GRIP2: variants seen among roughly 807,000 people sequenced by gnomAD.
GRIP2 encodes the protein glutamate receptor interacting protein 2.
A neutral mutation model predicts 108.3 loss-of-function variants in GRIP2; 58 were observed. That is an observed-to-expected ratio of 0.54 (90% CI 0.43 to 0.67). GRIP2 has a LOEUF of 0.67. GRIP2 is among the 30% of genes least tolerant of loss of function. The probability of loss-of-function intolerance (pLI) is 0.00; values close to 1 mark genes in which losing one functional copy is unlikely to be tolerated. For synonymous variants in GRIP2, 586 were observed against 598.2 expected (o/e 0.98, Z 0.30); for missense variants, 1,278 against 1,430.6 (o/e 0.89, Z 1.72).
At chr3:14,568,291 A>G in the GRIP2 span, among the ~76,000 whole-genome samples, 1 of 152,206 alleles carries the variant, frequency 6.6e-6, no homozygotes. Context: ...CACTGCAACC[A>G]TGCAACTAAT....
At chr3:14,528,765 C>A (rs1694629417) in intron 1 of GRIP2, among the ~76,000 whole-genome samples, 1 of 152,100 alleles carries the variant, frequency 6.6e-6, no homozygotes, top group African/African-American at 2.4e-5. Context: ...TTGCATTTGT[C>A]TAATGACTAA....
chr3:14,574,014 AG>A, the GRIP2 span: 2 of 1,347,984 alleles, frequency 1.5e-6, no homozygotes, highest in Non-Finnish European at 2.1e-6. Flanking sequence ...CAGGTGGATG[AG>A]GGCCTCCGAG....
the GRIP2 span, chr3:14,574,570 CA>C: frequency 5.5e-6 from 4 of 732,518 alleles, no homozygotes; most frequent in Non-Finnish European, 2.5e-6. Flanking sequence ...GATGGGGACT[CA>C]AAAACTTCGT....
Position 14,489,874 on chromosome 3 carries a change from G to A in GRIP2, c.*3791C>T, listed in dbSNP as rs6794801. ...ATTGCCCTTCTCCCACTCCCCCACCGTCAGGTGCAGGCGCTCATTAATACC... is the reference window on the plus strand; with the variant it reads ...ATTGCCCTTCTCCCACTCCCCCACCATCAGGTGCAGGCGCTCATTAATACC... On this transcript the variant is annotated 3_prime_UTR_variant, in exon 24 of 24. Coordinates refer to ENST00000621039, the MANE Select transcript of GRIP2 (RefSeq NM_001080423.4). 50,844 of 151,858 alleles carry A rather than the reference G, an allele frequency of 0.33. 8,839 individuals carry two copies. Among genetic ancestry groups the A allele is most frequent in the East Asian group, 0.45 (2,311 of 5,126 alleles). The allele number at this position is 151,858 out of a possible 1,614,324, so 9.4% of individuals were successfully genotyped here.
intron 11 of GRIP2, among the ~76,000 whole-genome samples, chr3:14,514,799 T>A (rs1694204632): frequency 6.6e-6 from 1 of 152,258 alleles, no homozygotes; most frequent in Non-Finnish European, 1.5e-5. Flanking sequence ...TACTGTAGTA[T>A]CTACTATATT....
chr3:14,591,786 G>A, the GRIP2 span, among the ~76,000 whole-genome samples: 785 of 152,262 alleles, frequency 5.2e-3, 6 homozygotes, highest in African/African-American at 0.018. Context: ...GGGAGTACAC[G>A]CCATTCAAGG....
Position 14,492,135 on chromosome 3 carries a change from C to T in GRIP2, c.*1530G>A, listed in dbSNP as rs1701350826. The T allele has an allele frequency of 6.6e-6, 1 of 152,446 alleles. No individual in the cohort carries two copies. Among genetic ancestry groups the T allele is most frequent in the South Asian group, 2.1e-4 (1 of 4,838 alleles). The allele number at this position is 152,446 out of a possible 1,614,324, so 9.4% of individuals were successfully genotyped here. On this transcript the variant is annotated 3_prime_UTR_variant, in exon 24 of 24. Transcript: ENST00000621039. ...GCCTGTGTCTGCTCAGACTGTCCAC[C>T]CGTGATCGTCCAGAGGGGCTGGGGG... is the stretch of plus-strand genomic sequence containing the variant.
chr3:14,537,905 A>C (rs572257536), intron 1 of GRIP2, among the ~76,000 whole-genome samples: 1 of 152,222 alleles, frequency 6.6e-6, no homozygotes, highest in Non-Finnish European at 1.5e-5. Context: ...TCCCGTCCTC[A>C]AGGCAGGAGA....
chr3:14,602,837 G>T, the GRIP2 span, among the ~76,000 whole-genome samples: 1 of 151,594 alleles, frequency 6.6e-6, no homozygotes, highest in African/African-American at 2.4e-5. This position sits in a 1 kb window ranked among gnomAD's most constrained non-coding sequence, Gnocchi z 4.7. Context: ...CGCCCCAGGC[G>T]TGTGCGCCCC....
chr3:14,542,216 C>T (rs145956895), upstream of GRIP2: 287 of 445,704 alleles, frequency 6.4e-4, 2 homozygotes, highest in African/African-American at 5.2e-3. Context: ...AGTGCAGTGG[C>T]GCAGTCTCCA....
chr3:14,592,730 C>T, the GRIP2 span, among the ~76,000 whole-genome samples: 2 of 152,206 alleles, frequency 1.3e-5, no homozygotes, highest in African/African-American at 4.8e-5. Flanking sequence ...AAAGAATAGG[C>T]TGCTACCTCC....
intron 10 of GRIP2, 98 bp downstream of exon 10, chr3:14,517,674 C>T (rs1694292114): frequency 6.8e-7 from 1 of 1,478,092 alleles, no homozygotes; most frequent in South Asian, 1.3e-5. Flanking sequence ...GCTCACTAAT[C>T]TCTGAGTCTG....
At chr3:14,557,991 G>C (rs111918080), upstream of GRIP2, among the ~76,000 whole-genome samples, 1 of 152,210 alleles carries the variant, frequency 6.6e-6, no homozygotes, top group Non-Finnish European at 1.5e-5. Flanking sequence ...ATATGTAACC[G>C]TTATTAGTGT....
chr3:14,567,900 T>A, the GRIP2 span, among the ~76,000 whole-genome samples: 6 of 151,586 alleles, frequency 4.0e-5, no homozygotes, highest in East Asian at 1.2e-3. Flanking sequence ...TAGGGGGAGG[T>A]CTCTGTGATC....
the GRIP2 span, among the ~76,000 whole-genome samples, chr3:14,566,193 C>T: frequency 3.3e-5 from 5 of 152,292 alleles, no homozygotes; most frequent in East Asian, 7.7e-4. Context: ...GTGTGGGAAT[C>T]GGAGTCCAGC....
the GRIP2 span, among the ~76,000 whole-genome samples, chr3:14,584,637 C>T: frequency 1.3e-5 from 2 of 152,156 alleles, no homozygotes; most frequent in South Asian, 4.1e-4. Context: ...GGAGGGGCTC[C>T]AGAATGCCCA....
At chr3:14,573,853 G>C in the GRIP2 span, 1 of 1,370,982 alleles carries the variant, frequency 7.3e-7, no homozygotes, top group Non-Finnish European at 1.0e-6. Flanking sequence ...CACATTGCCA[G>C]CATGGGCGAG....
chr3:14,496,877 C>T (rs948230667), intron 21 of GRIP2, among the ~76,000 whole-genome samples: 1 of 152,142 alleles, frequency 6.6e-6, no homozygotes, highest in Admixed American at 6.5e-5. Context: ...CCACTTTTTT[C>T]CACTTTACAG....
chr3:14,514,933 G>A lies in GRIP2; in HGVS notation c.1307-455C>T, dbSNP rs138445735. On this transcript the variant is annotated intron_variant, in intron 11 of 23. Transcript: ENST00000621039. ...TTCACAATTATGCAAACATCACCAC[G>A]ATGCATTTGAGAACATTTCATCACC... is the stretch of plus-strand genomic sequence containing the variant. 2.6e-5 allele frequency among the ~76,000 whole-genome samples: 4 copies of A among 152,278 alleles called. No individual in the cohort carries two copies. In the East Asian group the frequency reaches 5.8e-4, roughly 22 times the overall value.
Sources: gnomAD v4.1 joint callset for allele counts (sites outside exome capture counted in the v4.1 genomes callset) on GRCh38, gnomAD v4.1.1 for gene constraint, Gnocchi (gnomAD v3.1) non-coding constraint, MANE v1.5 for transcripts, NCBI Gene and HGNC (gene_info 2026-07-23, HGNC 2026-07-21) for gene names.